Variants in SCP2 observed in about 807,000 individuals in gnomAD.
SCP2 encodes the protein SCP-2/3-oxoacyl-CoA thiolase.
Under a neutral mutation model 71.4 loss-of-function variants are expected in SCP2, and 48 were observed. The observed-to-expected ratio is 0.67, with a 90% confidence interval of 0.53 to 0.86. SCP2 has a LOEUF of 0.86. SCP2 is among the 40% of genes least tolerant of loss of function. The pLI, the probability that SCP2 is intolerant of heterozygous loss-of-function variation, is 0.00. For synonymous variants in SCP2, 220 were observed against 218.1 expected (o/e 1.01, Z -0.08); for missense variants, 560 against 655.6 (o/e 0.85, Z 1.59).
chr1:53,002,531 C>T lies in SCP2; in HGVS notation c.1082-12359C>T, dbSNP rs1296658464. Among the ~76,000 whole-genome samples, 8 of 152,128 alleles carry T rather than the reference C, an allele frequency of 5.3e-5. No homozygotes were observed. In the East Asian group the frequency reaches 1.5e-3, roughly 29 times the overall value. On this transcript the variant is annotated intron_variant, in intron 11 of 15. Transcript: ENST00000371514. ...GCATTTACCTGTCAGAGAGGCTGTG[C>T]ACAAAAAATACATGTAACAACTTGA...
At chr1:53,031,895 T>A (rs1359386575) in intron 13 of SCP2, among the ~76,000 whole-genome samples, 1 of 152,222 alleles carries the variant, frequency 6.6e-6, no homozygotes, top group African/African-American at 2.4e-5. Flanking sequence ...AATTTCTAAA[T>A]GTTTGCTGGT....
chr1:53,026,979 C>T (rs1224159247), intron 12 of SCP2, among the ~76,000 whole-genome samples: 1 of 148,482 alleles, frequency 6.7e-6, no homozygotes, highest in African/African-American at 2.5e-5. Flanking sequence ...CACTCTGTCA[C>T]CCAGGATGGG....
intron 11 of SCP2, among the ~76,000 whole-genome samples, chr1:52,991,330 A>G (rs755444135): frequency 3.3e-5 from 5 of 152,322 alleles, no homozygotes; most frequent in Middle Eastern, 3.4e-3. Context: ...AAAGGGAGCC[A>G]TGATGGATCT....
chr1:52,984,521 T>G (rs1489364298), intron 10 of SCP2, among the ~76,000 whole-genome samples: 1 of 152,066 alleles, frequency 6.6e-6, no homozygotes, highest in East Asian at 1.9e-4. Context: ...GATACAGATA[T>G]AAAATGATTA....
chr1:52,969,046 T>G (rs1315566782), intron 6 of SCP2, among the ~76,000 whole-genome samples: 1 of 151,710 alleles, frequency 6.6e-6, no homozygotes, highest in Non-Finnish European at 1.5e-5. Context: ...TTCTTCATCA[T>G]TTTCTTGTTG....
chr1:52,932,262 A>G (rs1372444040), intron 1 of SCP2, among the ~76,000 whole-genome samples: 2 of 152,316 alleles, frequency 1.3e-5, no homozygotes, highest in Middle Eastern at 3.4e-3. Context: ...CATTATCCTG[A>G]AATATCAGAA....
chr1:52,952,291 A>G (rs185111342), intron 4 of SCP2, among the ~76,000 whole-genome samples: 7 of 152,298 alleles, frequency 4.6e-5, no homozygotes, highest in Admixed American at 4.6e-4. Flanking sequence ...GTTGTAGCAT[A>G]TATCAGTACT....
intron 5 of SCP2, among the ~76,000 whole-genome samples, chr1:52,960,410 G>GAA (rs2150140182): frequency 6.6e-6 from 1 of 151,224 alleles, no homozygotes; most frequent in South Asian, 2.1e-4. Context: ...GGCTCAGGTG[G>GAA]GCCTTCCACC....
chr1:53,048,263 C>G, intron 15 of SCP2: 3 of 358,914 alleles, frequency 8.4e-6, no homozygotes, highest in Non-Finnish European at 1.1e-5. Flanking sequence ...TCTGGGCCAT[C>G]AGGGAGAGCA....
At chr1:52,938,025 C>A (rs966610347) in intron 1 of SCP2, among the ~76,000 whole-genome samples, 1 of 152,182 alleles carries the variant, frequency 6.6e-6, no homozygotes, top group Admixed American at 6.5e-5. Context: ...ATTGCCACAG[C>A]ATAGTAGGTA....
At chr1:52,985,988 T>C (rs1418681833) in intron 10 of SCP2, among the ~76,000 whole-genome samples, 1 of 152,216 alleles carries the variant, frequency 6.6e-6, no homozygotes, top group Non-Finnish European at 1.5e-5. Flanking sequence ...TTATTTTATA[T>C]ATTGTCTGTC....
At chr1:52,965,515 A>G (rs1656866931) in intron 6 of SCP2, among the ~76,000 whole-genome samples, 1 of 152,094 alleles carries the variant, frequency 6.6e-6, no homozygotes, top group Non-Finnish European at 1.5e-5. Context: ...TTCTTGTTAA[A>G]CTTATTCCTA....
intron 12 of SCP2, among the ~76,000 whole-genome samples, chr1:53,016,163 G>A (rs1427550978): frequency 1.3e-5 from 2 of 151,928 alleles, no homozygotes; most frequent in Non-Finnish European, 2.9e-5. Flanking sequence ...GTAAGCTCTT[G>A]GATCTCTTCT....
At chr1:53,009,459 G>C (rs12067026) in intron 11 of SCP2, among the ~76,000 whole-genome samples, 48,053 of 151,912 alleles carry the variant, frequency 0.32, 12,699 homozygotes, top group African/African-American at 0.72. Context: ...ACAGAGCCCT[G>C]AGAAATAATA....
chr1:53,046,037 A>G (rs1342791086), intron 14 of SCP2, among the ~76,000 whole-genome samples: 1 of 152,194 alleles, frequency 6.6e-6, no homozygotes, highest in Non-Finnish European at 1.5e-5. Context: ...TTGCTGCTGA[A>G]TGGTTACCCC....
At chr1:53,047,056 A>G (rs988056882) in intron 14 of SCP2, among the ~76,000 whole-genome samples, 2 of 152,244 alleles carry the variant, frequency 1.3e-5, no homozygotes, top group African/African-American at 2.4e-5. Context: ...GGAAGGATCC[A>G]TGTCCAAGTT....
intron 2 of SCP2, among the ~76,000 whole-genome samples, chr1:52,942,849 A>G (rs1313762470): frequency 6.7e-6 from 1 of 150,172 alleles, no homozygotes; most frequent in Non-Finnish European, 1.5e-5. Context: ...ACAGGCACAC[A>G]CCTCCACGCC....
chr1:52,961,479 T>C (rs962424412), intron 5 of SCP2, 24 bp from the exon 6 acceptor site: 1 of 1,612,834 alleles, frequency 6.2e-7, no homozygotes, highest in African/African-American at 1.3e-5. Context: ...CAGCTGCTTA[T>C]GAAATTTTGT....
intron 15 of SCP2, 198 bp downstream of exon 15, chr1:53,048,135 A>G (rs1663955369): frequency 3.5e-6 from 2 of 579,056 alleles, no homozygotes; most frequent in Admixed American, 4.6e-5. Flanking sequence ...GAAGAGTAAG[A>G]AAGTTCCCAC....
Sources: allele counts gnomAD v4.1 joint callset (sites outside exome capture counted in the v4.1 genomes callset), GRCh38; gene constraint gnomAD v4.1.1; transcripts MANE v1.5; gene names NCBI Gene and HGNC (gene_info 2026-07-23, HGNC 2026-07-21).